The following TMEM209 variants were observed in gnomAD, a reference collection of about 807,000 sequenced individuals.
TMEM209 encodes the protein transmembrane protein 209.
TMEM209 carries 65 observed loss-of-function variants against 76.2 expected under a neutral mutation model. The observed-to-expected ratio is 0.85, with a 90% CI of 0.70 to 1.05. TMEM209 has a LOEUF of 1.05. TMEM209 is among the 50% of genes least tolerant of loss of function. The probability of loss-of-function intolerance (pLI) is 0.00; values close to 1 mark genes in which losing one functional copy is unlikely to be tolerated. For missense variants in TMEM209, 623 were observed against 685.5 expected (o/e 0.91, Z 1.02); for synonymous variants, 239 against 237.6 (o/e 1.01, Z -0.06).
chr7:130,199,340 C>G (rs1345711783), intron 5 of TMEM209, among the ~76,000 whole-genome samples: 1 of 152,132 alleles, frequency 6.6e-6, no homozygotes, highest in East Asian at 1.9e-4. Flanking sequence ...GCCTCAGCCT[C>G]CCGAGTAGCT....
At chr7:130,167,437 C>T (rs891037297) in intron 14 of TMEM209, among the ~76,000 whole-genome samples, 1 of 152,054 alleles carries the variant, frequency 6.6e-6, no homozygotes, top group South Asian at 2.1e-4. Context: ...TGAGTCTAAG[C>T]ATCTTTTTGT....
At chr7:130,195,106 T>C (rs1181953209) in intron 5 of TMEM209, among the ~76,000 whole-genome samples, 1 of 152,180 alleles carries the variant, frequency 6.6e-6, no homozygotes. Flanking sequence ...CAAAATTTTC[T>C]TGGCTCATTT....
intron 10 of TMEM209, among the ~76,000 whole-genome samples, chr7:130,177,745 GTA>G (rs755025760): frequency 5.9e-5 from 9 of 152,012 alleles, no homozygotes; most frequent in Non-Finnish European, 1.2e-4. Flanking sequence ...CTAGTTTTGT[GTA>G]TGTTTAAAAT....
intron 6 of TMEM209, among the ~76,000 whole-genome samples, chr7:130,187,801 C>T (rs940575556): frequency 2.6e-5 from 4 of 152,108 alleles, no homozygotes; most frequent in African/African-American, 7.2e-5. Context: ...GTCAATAATA[C>T]TCCTAAGGCA....
intron 1 of TMEM209, chr7:130,205,163 G>T: frequency 6.8e-7 from 1 of 1,467,388 alleles, no homozygotes. Context: ...CAGCCCCCGC[G>T]TCCCAATTTC....
intron 9 of TMEM209, among the ~76,000 whole-genome samples, chr7:130,179,010 A>C (rs916022830): frequency 2.6e-5 from 4 of 151,528 alleles, no homozygotes; most frequent in African/African-American, 9.7e-5. Context: ...CTGGTCTCAA[A>C]CTCCTGGGTT....
chr7:130,185,068 T>C (rs1797550395), intron 7 of TMEM209, 124 bp downstream of exon 7: 3 of 1,155,636 alleles, frequency 2.6e-6, no homozygotes, highest in East Asian at 2.6e-5. Flanking sequence ...CACTGCCTAA[T>C]GTGTGCCAGA....
At chr7:130,172,925 G>A (rs1246561906) in intron 13 of TMEM209, among the ~76,000 whole-genome samples, 1 of 150,056 alleles carries the variant, frequency 6.7e-6, no homozygotes, top group Non-Finnish European at 1.5e-5. Context: ...CTGGAACCCG[G>A]GAGGCAGAGG....
chr7:130,174,432 CA>C (rs1348738720), intron 11 of TMEM209, among the ~76,000 whole-genome samples: 1 of 152,158 alleles, frequency 6.6e-6, no homozygotes, highest in Admixed American at 6.5e-5. Context: ...ACCAGACTCC[CA>C]TTCCCTACAT....
At chr7:130,194,934 C>A (rs183965616) in intron 5 of TMEM209, among the ~76,000 whole-genome samples, 2 of 152,162 alleles carry the variant, frequency 1.3e-5, no homozygotes, top group African/African-American at 2.4e-5. Flanking sequence ...AAAGGTTAAT[C>A]CTCTTCCACA....
At chr7:130,188,675 T>G (rs1797695420) in intron 6 of TMEM209, among the ~76,000 whole-genome samples, 1 of 149,552 alleles carries the variant, frequency 6.7e-6, no homozygotes, top group African/African-American at 2.5e-5. Flanking sequence ...CATCAACAGA[T>G]GCTAAAATCA....
intron 7 of TMEM209, among the ~76,000 whole-genome samples, chr7:130,184,868 A>C (rs1170919654): frequency 1.3e-5 from 2 of 152,216 alleles, no homozygotes; most frequent in Non-Finnish European, 2.9e-5. Flanking sequence ...AAATATTCTA[A>C]TCCAAATATA....
intron 5 of TMEM209, among the ~76,000 whole-genome samples, chr7:130,200,483 T>C (rs886300214): frequency 6.6e-6 from 1 of 152,174 alleles, no homozygotes; most frequent in African/African-American, 2.4e-5. Flanking sequence ...GGCTATTTAG[T>C]ATACATTAAA....
In TMEM209 at chr7:130,185,358, T is replaced by A; in HGVS notation, c.785A>T (p.Asp262Val). The A allele has an allele frequency of 6.2e-7, 1 of 1,613,564 alleles. No homozygotes were observed. Among genetic ancestry groups the A allele is most frequent in the Non-Finnish European group, 8.5e-7 (1 of 1,179,630 alleles). Residue 262 changes from aspartate to valine, a missense_variant, in exon 7 of 15, where the codon GAT (aspartate) becomes GTT (valine). Transcript: ENST00000397622. ...AGGACTGCTGGAAGGAGAGGTAGAA[T>A]CTGGGCTCCCTACAATTGTTAAGAT... is the stretch of plus-strand genomic sequence containing the variant. ...KQHRVKLGSPDSTSPSSSPTF... is the reference protein window; with the variant it reads ...KQHRVKLGSPVSTSPSSSPTF...
intron 10 of TMEM209, among the ~76,000 whole-genome samples, chr7:130,177,746 TATGTTTAAAATTCTCCTTATATAAA>T (rs1221568951): frequency 6.6e-6 from 1 of 152,144 alleles, no homozygotes; most frequent in African/African-American, 2.4e-5. Context: ...TAGTTTTGTG[TATGTTTAAAATTCTCCTTATATAAA>T]ATGTTTTAAA....
At chr7:130,185,129 A>G in intron 7 of TMEM209, 63 bp downstream of exon 7, 1 of 1,509,836 alleles carries the variant, frequency 6.6e-7, no homozygotes, top group Non-Finnish European at 8.9e-7. Flanking sequence ...ATGTTCCAGA[A>G]GTAGAAGACT....
intron 10 of TMEM209, among the ~76,000 whole-genome samples, chr7:130,177,228 G>A (rs1797264788): frequency 6.6e-6 from 1 of 151,542 alleles, no homozygotes; most frequent in African/African-American, 2.4e-5. Context: ...GTGTGTGCCT[G>A]TAATCCCAGC....
chr7:130,201,530 A>G (rs1455220869), intron 5 of TMEM209, among the ~76,000 whole-genome samples: 1 of 152,186 alleles, frequency 6.6e-6, no homozygotes, highest in African/African-American at 2.4e-5. Context: ...AAGGCCTCAC[A>G]TGAAGAAGGA....
At chr7:130,184,105 A>C in intron 8 of TMEM209, 79 bp downstream of exon 8, 2 of 957,718 alleles carry the variant, frequency 2.1e-6, no homozygotes, top group Non-Finnish European at 3.1e-6. Context: ...TTTATAATGA[A>C]CTCTAAATGA....
Sources: gnomAD v4.1 joint callset for allele counts (sites outside exome capture counted in the v4.1 genomes callset) on GRCh38, gnomAD v4.1.1 for gene constraint, MANE v1.5 for transcripts, NCBI Gene and HGNC (gene_info 2026-07-23, HGNC 2026-07-21) for gene names.